The following ALAS2 variants were observed in gnomAD, a reference collection of about 807,000 sequenced individuals.
The protein encoded by ALAS2 is 5-aminolevulinate synthase, erythroid-specific, mitochondrial.
In ALAS2, 3 loss-of-function variants were observed where a neutral mutation model predicts 33.7. The ratio of observed to expected loss-of-function variants is 0.09; its 90% confidence interval spans 0.04 to 0.23. ALAS2 has a LOEUF of 0.23. Ranked by LOEUF, ALAS2 falls within the 10% of genes least tolerant of loss-of-function variation. The pLI is 1.00. For missense variants in ALAS2, 304 were observed against 475.1 expected (o/e 0.64, Z 3.35); for synonymous variants, 191 against 177.3 (o/e 1.08, Z -0.61).
intron 10 of ALAS2, among the ~76,000 whole-genome samples, chrX:55,012,258 CAT>C (rs950375464): frequency 1.8e-5 from 2 of 111,900 alleles, no homozygotes; most frequent in African/African-American, 6.5e-5. Context: ...AACATATTCA[CAT>C]GTACTTCAAC....
At chrX:55,022,943 T>G (rs973569579) in intron 4 of ALAS2, among the ~76,000 whole-genome samples, 2 of 111,664 alleles carry the variant, frequency 1.8e-5, no homozygotes, top group Admixed American at 1.9e-4. Flanking sequence ...AAATAAAAAT[T>G]GAAAAAAGTA....
chrX:55,013,411 G>T, intron 10 of ALAS2, 75 bp downstream of exon 10: 1 of 1,061,933 alleles, frequency 9.4e-7, no homozygotes, highest in East Asian at 3.0e-5. Flanking sequence ...AGTGGTCTCT[G>T]TCCTCTCAGC....
Position 55,011,863 on chromosome X carries a change from T to C in ALAS2, c.1600+1623A>G, listed in dbSNP as rs188367441. 1.7e-4 allele frequency among the ~76,000 whole-genome samples: 19 copies of C among 111,565 alleles called. No homozygotes were observed. The East Asian group carries it at 4.5e-3, about 27-fold the overall frequency. ...GTGGTAGACCTAGCAGTTATGACCA[T>C]GGAGGTAGAGACAGACCTCCCAGTT... is the stretch of plus-strand genomic sequence containing the variant. On this transcript the variant is annotated intron_variant, in intron 10 of 10. Transcript: ENST00000650242.
intron 1 of ALAS2, chrX:55,027,678 C>T: frequency 9.5e-7 from 1 of 1,052,099 alleles, no homozygotes; most frequent in South Asian, 1.9e-5. Context: ...CAGCTCATGG[C>T]CCTGCCCTCA....
chrX:55,013,639 C>G lies in ALAS2; in HGVS notation c.1447G>C (p.Ala483Pro), dbSNP rs182295959. Residue 483 changes from alanine (A) to proline (P), a missense_variant, in exon 10 of 11, where the codon GCA becomes CCA. Around this residue, in one of 3 missense-constraint regions of ALAS2, gnomAD observed 95 missense variants for 127.0 expected, o/e 0.75. Transcript: ENST00000650242. ...TCACAGAGCTTGCTGTTGAGTGCTG[C>G]ATTGCCCACCTGGACTCAGGAGAAA... ...SHIIPIRVGN[A>P]ALNSKLCDLL... 14 of 1,209,736 alleles carry G rather than the reference C, an allele frequency of 1.2e-5. No homozygotes were observed. The East Asian group carries it at 4.2e-4, about 36-fold the overall frequency.
At chrX:55,013,861 G>A (rs1421360714) in intron 9 of ALAS2, among the ~76,000 whole-genome samples, 2 of 110,876 alleles carry the variant, frequency 1.8e-5, no homozygotes, top group Non-Finnish European at 3.8e-5. Context: ...GAGCAGAGGT[G>A]GTACCAGGAG....
At position 55,015,601 on chromosome X, in the gene ALAS2, A is replaced by G. The variant is rs1184271905; in HGVS notation, c.1145T>C (p.Ile382Thr). Reference protein sequence around the residue: ...IGERDGIMHKIDIISGTLGKA... With the variant: ...IGERDGIMHKTDIISGTLGKA... ...ACCAAGAGTTCCAGAGATGATGTCAATCTTATGCATAATTCCATCACGCTC... is the reference window on the plus strand; with the variant it reads ...ACCAAGAGTTCCAGAGATGATGTCAGTCTTATGCATAATTCCATCACGCTC... Residue 382 changes from isoleucine to threonine, a missense_variant, in exon 8 of 11, where the codon ATT (isoleucine) becomes ACT (threonine). Transcript: ENST00000650242. The G allele has an allele frequency of 2.5e-6, 3 of 1,211,358 alleles. No individual in the cohort carries two copies. Among genetic ancestry groups the G allele is most frequent in the South Asian group, 3.5e-5 (2 of 56,959 alleles).
Position 55,020,573 on chromosome X carries a change from T to A in ALAS2, c.639-69A>T, listed in dbSNP as rs1602249677. 5.8e-6 allele frequency: 6 copies of A among 1,027,648 alleles called. No homozygotes were observed. The South Asian group carries it at 6.1e-5, about 11-fold the overall frequency. 84.7% of individuals were successfully genotyped at this position (1,027,648 alleles called of 1,213,427 possible). On this transcript the variant is annotated intron_variant, in intron 5 of 10. Transcript: ENST00000650242. Reference sequence around the variant, plus strand: ...GTCAGGCATCGAGGAACTGGGTAGGTTTCTCTTCCTTGATGGGAGTCAATG... The same window carrying A: ...GTCAGGCATCGAGGAACTGGGTAGGATTCTCTTCCTTGATGGGAGTCAATG...
chrX:55,027,877 A>G, intron 1 of ALAS2: 1 of 980,294 alleles, frequency 1.0e-6, no homozygotes, highest in African/African-American at 1.9e-5. Context: ...GAAAAGACAG[A>G]AGGGTTGTTG....
chrX:55,020,833 C>T (rs1007819316), intron 5 of ALAS2, among the ~76,000 whole-genome samples: 5 of 111,910 alleles, frequency 4.5e-5, no homozygotes, highest in East Asian at 2.8e-4. Context: ...TGCTTGGTCT[C>T]CCATCCTTCC....
rs1935670944 is a variant in ALAS2 at position 55,014,792 on chromosome X, C to A, written c.1392G>T (p.Arg464Ser). 3.3e-6 allele frequency: 4 copies of A among 1,196,967 alleles called. No homozygotes were observed. The highest frequency in any genetic ancestry group is 4.5e-6 in the Non-Finnish European group (4 of 886,626). ...TGGGGCAGGGGATGACAGGAAGGCC[C>A]CTGTCCATGAGTAGCTGGCGCATGT... ...VKHMRQLLMD[R>S]GLPVIPCPSH... The change falls in exon 9 of 11, where the codon AGG becomes AGT. Residue 464 changes from arginine to serine, a missense_variant. Arg to Ser is a moderately radical substitution (Grantham distance 110). Around this residue, in one of 3 missense-constraint regions of ALAS2, gnomAD observed 95 missense variants for 127.0 expected, o/e 0.75. Transcript: ENST00000650242.
At chrX:55,016,271 T>C (rs1935703863) in intron 7 of ALAS2, among the ~76,000 whole-genome samples, 1 of 110,803 alleles carries the variant, frequency 9.0e-6, no homozygotes, top group Non-Finnish European at 1.9e-5. Flanking sequence ...AGAGAAATAA[T>C]GAATTTGAAT....
At chrX:55,021,009 A>G in intron 5 of ALAS2, 43 bp downstream of exon 5, 1 of 1,151,733 alleles carries the variant, frequency 8.7e-7, no homozygotes, top group South Asian at 1.9e-5. Flanking sequence ...GTGGTTTTTC[A>G]TCTCCTCTGG....
At chrX:55,030,737 G>T (rs1243790549) in intron 1 of ALAS2, among the ~76,000 whole-genome samples, 1 of 111,292 alleles carries the variant, frequency 9.0e-6, no homozygotes, top group Non-Finnish European at 1.9e-5. Context: ...AGAAAGTAAC[G>T]AAGGGAAAAA....
intron 10 of ALAS2, among the ~76,000 whole-genome samples, chrX:55,011,999 G>A (rs766748733): frequency 8.9e-6 from 1 of 112,122 alleles, no homozygotes; most frequent in Admixed American, 9.4e-5. Context: ...TGAGGTTGTT[G>A]TGGGGATTAG....
At chrX:55,024,391 A>T in intron 3 of ALAS2, among the ~76,000 whole-genome samples, 1 of 111,741 alleles carries the variant, frequency 8.9e-6, no homozygotes, top group East Asian at 2.8e-4. Flanking sequence ...GCAAATCCAT[A>T]TTCTCATAGA....
rs768025993 is a variant in ALAS2 at position 55,012,271 on chromosome X, A to G, written c.1600+1215T>C. 4.5e-5 allele frequency among the ~76,000 whole-genome samples: 5 copies of G among 111,824 alleles called. No homozygotes were observed. In the South Asian group the frequency reaches 1.9e-3, roughly 42 times the overall value. ...ACAACATATTCACATGTACTTCAAC[A>G]TGCATCATAAAAACTTCCTTACTCA... is the stretch of plus-strand genomic sequence containing the variant. On this transcript the variant is annotated intron_variant, in intron 10 of 10. Transcript: ENST00000650242.
intron 6 of ALAS2, among the ~76,000 whole-genome samples, chrX:55,018,796 AGTTTT>A (rs1935749731): frequency 9.0e-6 from 1 of 111,164 alleles, no homozygotes; most frequent in African/African-American, 3.3e-5. Context: ...TGACAAAGAT[AGTTTT>A]GCATTAAAAA....
chrX:55,015,111 G>T (rs1602245605), intron 8 of ALAS2, 96 bp from the exon 9 acceptor site: 1 of 996,323 alleles, frequency 1.0e-6, no homozygotes, highest in East Asian at 3.3e-5. Flanking sequence ...TGCACCAGAA[G>T]TTGGGGCTCC....
Sources: allele counts gnomAD v4.1 joint callset (sites outside exome capture counted in the v4.1 genomes callset), GRCh38; gene constraint gnomAD v4.1.1; regional missense constraint gnomAD v4.1.1; transcripts MANE v1.5; gene names NCBI Gene and HGNC (gene_info 2026-07-23, HGNC 2026-07-21).